The following DMD variants were observed in gnomAD, a reference collection of about 807,000 sequenced individuals.
DMD encodes dystrophin.
In DMD, 63 loss-of-function variants were observed where a neutral mutation model predicts 330.1. The observed-to-expected ratio is 0.19, with a 90% CI of 0.16 to 0.24. The LOEUF (loss-of-function observed/expected upper bound fraction) is 0.24. Ranked by LOEUF, DMD falls within the 10% of genes least tolerant of loss-of-function variation. The pLI, the probability that DMD is intolerant of heterozygous loss-of-function variation, is 1.00. For synonymous variants in DMD, 1,223 were observed against 959.8 expected, an observed-to-expected ratio of 1.27 and a Z score of -5.07; for missense variants, 3,344 against 2,684.1, an observed-to-expected ratio of 1.25 and a Z score of -5.43.
intron 9 of DMD, among the ~76,000 whole-genome samples, chrX:32,657,102 A>T (rs972771871): frequency 2.8e-5 from 3 of 108,234 alleles, no homozygotes; most frequent in African/African-American, 1.0e-4. Context: ...TTACTTTCTA[A>T]CTTATTTTAT....
Position 33,181,195 on chromosome X carries a change from T to C in DMD, c.31+30087A>G, listed in dbSNP as rs372588252. ...GCACCTCAGTTGCCTCTTTAAACAA[T>C]GAGTTAGTTAGATTACATGACTGAC... On this transcript the variant is annotated intron_variant, in intron 1 of 78. Transcript: ENST00000357033. 3.5e-4 allele frequency among the ~76,000 whole-genome samples: 39 copies of C among 111,583 alleles called. 1 individual carries two copies. The South Asian group carries it at 5.6e-3, about 16-fold the overall frequency.
intron 1 of DMD, among the ~76,000 whole-genome samples, chrX:33,198,519 T>C (rs1466317394): frequency 9.0e-6 from 1 of 111,604 alleles, no homozygotes; most frequent in Non-Finnish European, 1.9e-5. Context: ...TGAAAGTGCT[T>C]TGTCATATAA....
At chrX:31,451,506 T>C (rs1200886040) in intron 59 of DMD, among the ~76,000 whole-genome samples, 3 of 110,001 alleles carry the variant, frequency 2.7e-5, no homozygotes, top group African/African-American at 9.9e-5. Flanking sequence ...GGTCTTGAAC[T>C]CTTGACCTCA....
intron 2 of DMD, among the ~76,000 whole-genome samples, chrX:32,997,435 AG>A (rs1244894697): frequency 9.0e-6 from 1 of 111,219 alleles, no homozygotes; most frequent in African/African-American, 3.3e-5. Flanking sequence ...TAGTAGAGAC[AG>A]GGTTTAACCA....
rs1211603948 is a variant in DMD, at chrX:31,484,053, A to G, written c.8548-4950T>C. 2.7e-5 allele frequency among the ~76,000 whole-genome samples: 3 copies of G among 111,617 alleles called. No individual in the cohort carries two copies. In the Admixed American group the frequency reaches 2.9e-4, roughly 11 times the overall value. ...AATAATGGAAAGCCAATTTTTCAGTATCTAATAACTCACCATAAACTGCAT... is the reference window on the plus strand; with the variant it reads ...AATAATGGAAAGCCAATTTTTCAGTGTCTAATAACTCACCATAAACTGCAT... On this transcript the variant is annotated intron_variant, in intron 57 of 78. Transcript: ENST00000357033.
intron 62 of DMD, among the ~76,000 whole-genome samples, chrX:31,318,207 G>A (rs1342328369): frequency 4.5e-5 from 5 of 112,060 alleles, no homozygotes; most frequent in African/African-American, 1.3e-4. Flanking sequence ...TGCTACTGGA[G>A]TTAGGGGAAC....
intron 2 of DMD, among the ~76,000 whole-genome samples, chrX:32,988,580 C>T (rs1224434606): frequency 8.9e-6 from 1 of 112,239 alleles, no homozygotes; most frequent in Non-Finnish European, 1.9e-5. Context: ...ATCCTAAAAT[C>T]ATTTTATAGT....
intron 55 of DMD, among the ~76,000 whole-genome samples, chrX:31,576,759 G>GTTTTTTTTTTTTTTTTTTTTTTT (rs201477815): frequency 1.9e-5 from 2 of 103,654 alleles, no homozygotes; most frequent in Non-Finnish European, 4.0e-5. Context: ...ATATGAGGTT[G>GTTTTTTTTTTTTTTTTTTTTTTT]TTTTTTTTTG....
chrX:32,895,119 C>T (rs149820280), intron 2 of DMD, among the ~76,000 whole-genome samples: 1,442 of 111,726 alleles, frequency 0.013, 27 homozygotes, highest in African/African-American at 0.045. Context: ...GGATCAGAGC[C>T]CCACCTGCAT....
intron 60 of DMD, among the ~76,000 whole-genome samples, chrX:31,352,003 G>C (rs2058453034): frequency 9.1e-6 from 1 of 110,181 alleles, no homozygotes; most frequent in Admixed American, 9.7e-5. Flanking sequence ...AACTCATTCA[G>C]TCTGGGTCTT....
intron 9 of DMD, among the ~76,000 whole-genome samples, chrX:32,693,644 T>A (rs1353856164): frequency 8.9e-6 from 1 of 112,009 alleles, no homozygotes; most frequent in Non-Finnish European, 1.9e-5. Flanking sequence ...TTTGCCATGT[T>A]GGCCAGGCTG....
At chrX:32,363,841 T>C (rs1457600166) in intron 36 of DMD, among the ~76,000 whole-genome samples, 13 of 111,883 alleles carry the variant, frequency 1.2e-4, no homozygotes, top group African/African-American at 3.9e-4. Flanking sequence ...TTATCAAACA[T>C]TGCAGCAAAA....
intron 45 of DMD, among the ~76,000 whole-genome samples, chrX:31,942,147 A>G (rs1044956168): frequency 9.0e-6 from 1 of 111,710 alleles, no homozygotes; most frequent in Admixed American, 9.5e-5. Flanking sequence ...ATTCCCATAA[A>G]CAGTGTATAA....
intron 47 of DMD, among the ~76,000 whole-genome samples, chrX:31,923,481 C>T (rs901556073): frequency 1.8e-5 from 2 of 110,260 alleles, no homozygotes; most frequent in Non-Finnish European, 3.8e-5. Flanking sequence ...TTATTAACTA[C>T]ATAAAGAAAA....
chrX:31,956,257 A>C (rs1171396833), intron 45 of DMD, among the ~76,000 whole-genome samples: 2 of 111,866 alleles, frequency 1.8e-5, no homozygotes, highest in Non-Finnish European at 3.8e-5. Flanking sequence ...ACCTCGGACT[A>C]CCTACTGGCA....
At chrX:32,886,366 T>C (rs965069743) in intron 2 of DMD, among the ~76,000 whole-genome samples, 1 of 110,989 alleles carries the variant, frequency 9.0e-6, no homozygotes, top group Non-Finnish European at 1.9e-5. Flanking sequence ...ATTTTTGCGA[T>C]ACATATAAAG....
At position 32,411,702 on chromosome X, in the gene DMD, T is replaced by A. The variant is rs372484335; in HGVS notation, c.4233+50A>T. 11 of 1,180,644 alleles carry A rather than the reference T, an allele frequency of 9.3e-6. No individual in the cohort carries two copies. In the African/African-American group the frequency reaches 1.2e-4, roughly 13 times the overall value. ...AAGTTAGAAACACTGCAACATTTTG[T>A]TGAAGTAATAAAAACAAAAGAATGG... On this transcript the variant is annotated intron_variant, in intron 30 of 78. Transcript: ENST00000357033.
At chrX:31,770,051 A>C (rs888259615) in intron 51 of DMD, among the ~76,000 whole-genome samples, 1 of 112,198 alleles carries the variant, frequency 8.9e-6, no homozygotes, top group Non-Finnish European at 1.9e-5. Flanking sequence ...GAGAAAAGAG[A>C]GTATCACAAA....
chrX:32,006,458 G>A (rs1043029691), intron 44 of DMD, among the ~76,000 whole-genome samples: 10 of 111,630 alleles, frequency 9.0e-5, no homozygotes, highest in East Asian at 8.4e-4. Context: ...CCAAAATATC[G>A]GATGTGTAGT....
Sources: gnomAD v4.1 joint callset for allele counts (sites outside exome capture counted in the v4.1 genomes callset) on GRCh38, gnomAD v4.1.1 for gene constraint, MANE v1.5 for transcripts, NCBI Gene and HGNC (gene_info 2026-07-23, HGNC 2026-07-21) for gene names.